Variants in AHNAK2 observed in about 807,000 individuals in gnomAD.
The protein encoded by AHNAK2 is AHNAK nucleoprotein 2, also known as protein AHNAK2.
In AHNAK2, 18 loss-of-function variants were observed where a neutral mutation model predicts 30.7. The observed-to-expected ratio is 0.59, with a 90% CI of 0.41 to 0.87. The LOEUF (loss-of-function observed/expected upper bound fraction) is 0.87. AHNAK2 is among the 40% of genes least tolerant of loss of function. AHNAK2 has a pLI of 0.00. For missense variants in AHNAK2, 8,604 were observed against 7,373.0 expected, an observed-to-expected ratio of 1.17 and a Z score of -6.11; for synonymous variants, 3,590 against 3,073.8, an observed-to-expected ratio of 1.17 and a Z score of -5.56.
Position 104,938,526 on chromosome 14 carries a change from G to T in AHNAK2, c.16925C>A (p.Ser5642Tyr). 1 of 1,613,550 alleles carries T rather than the reference G, an allele frequency of 6.2e-7. No individual in the cohort carries two copies. The highest frequency in any genetic ancestry group is 8.5e-7 in the Non-Finnish European group (1 of 1,179,766). The change falls in exon 7 of 7, where the codon TCT becomes TAT. Residue 5642 changes from serine to tyrosine, a missense_variant. Transcript: ENST00000333244. ...APKDKPESKK[S>Y]GLLWFWLPNI... ...TGGAAGCCAAAACCAGAGCAGACCA[G>T]ATTTTTTACTTTCTGGTTTGTCTTT... is the stretch of plus-strand genomic sequence containing the variant.
At position 104,941,636 on chromosome 14, in the gene AHNAK2, C is replaced by T. The variant is rs749512878; in HGVS notation, c.13815G>A (p.Leu4605=). ...GGTCCCCCTCAAGCCGCGCACCATC[C>T]AGCATGGATCCTGGGGCCTGGACAT... ...ETDVQAPGSM[L]DGARLEGDLS... is the part of the protein sequence containing the mutation. The change falls in exon 7 of 7, where the codon CTG becomes CTA. Residue 4605 remains leucine, a synonymous_variant. Coordinates refer to ENST00000333244, the MANE Select transcript of AHNAK2 (RefSeq NM_138420.4). The T allele has an allele frequency of 8.7e-6, 14 of 1,613,666 alleles. No homozygotes were observed. The highest frequency in any genetic ancestry group is 3.3e-4 in the Middle Eastern group (2 of 6,062).
rs745827678 is a variant in AHNAK2, at chr14:104,945,208, C to T, written c.10243G>A (p.Gly3415Ser). ...GGGACTTTTAGGTCCAGCTTGGGGC[C>T]CTTGATGTCCACCTGGGGGCTCTTG... ...DLKSPQVDIK[G>S]PKLDLKVPKA... The change falls in exon 7 of 7, where the codon GGC becomes AGC. Residue 3415 changes from glycine (G) to serine (S), a missense_variant. Transcript: ENST00000333244. The T allele has an allele frequency of 1.9e-6, 3 of 1,613,214 alleles. No individual in the cohort carries two copies. Among genetic ancestry groups the T allele is most frequent in the Non-Finnish European group, 2.5e-6 (3 of 1,179,676 alleles).
rs199552372 is a variant in AHNAK2, at chr14:104,953,282, G to T, written c.2169C>A (p.Leu723=). Reference sequence around the variant, plus strand: ...GGTCAGCGGAAGGGGTCTGGACGCTGAGGTCAGTGGTCTTGAGGTCCCCCT... The same window carrying T: ...GGTCAGCGGAAGGGGTCTGGACGCTTAGGTCAGTGGTCTTGAGGTCCCCCT... ...SMQGDLKTTD[L]SVQTPSADLE... Residue 723 remains leucine (L), a synonymous_variant, in exon 7 of 7, where the codon CTC becomes CTA. Transcript: ENST00000333244. The T allele has an allele frequency of 1.6e-4, 261 of 1,612,412 alleles. No individual in the cohort carries two copies. Among genetic ancestry groups the T allele is most frequent in the Non-Finnish European group, 2.1e-4 (253 of 1,179,638 alleles).
Position 104,941,228 on chromosome 14 carries a change from G to C in AHNAK2, c.14223C>G (p.Cys4741Trp). 12 of 1,613,624 alleles carry C rather than the reference G, an allele frequency of 7.4e-6. No individual in the cohort carries two copies. The highest frequency in any genetic ancestry group is 1.3e-5 in the African/African-American group (1 of 75,056). Residue 4741 changes from cysteine to tryptophan, a missense_variant, in exon 7 of 7, where the codon TGC becomes TGG. By Grantham distance (215) the Cys-to-Trp change is radical. Transcript: ENST00000333244. ...AAACCTGTTGTAATTCAAAACTTGA[G>C]CATTCTGAAGATGATAAAGGAATCG... ...LSTIPLSSSECSSFELQQVSA... is the reference protein window; with the variant it reads ...LSTIPLSSSEWSSFELQQVSA...
intron 1 of AHNAK2, among the ~76,000 whole-genome samples, chr14:104,972,749 GC>G (rs1899500997): frequency 6.6e-6 from 1 of 152,166 alleles, no homozygotes; most frequent in African/African-American, 2.4e-5. Flanking sequence ...CAGACTCTAA[GC>G]ACGTGCCACT....
Position 104,943,904 on chromosome 14 carries a change from A to G in AHNAK2, c.11547T>C (p.Thr3849=), listed in dbSNP as rs774941556. ...CAGAATGGGGCTGAATGCTGAGGTC[A>G]GTGGTCTTGAGGTCCCCCTGCATGG... ...LPSMQGDLKT[T]DLSIQPHSAD... The change falls in exon 7 of 7, where the codon ACT becomes ACC. Residue 3849 remains threonine (T), a synonymous_variant. Coordinates refer to ENST00000333244, the MANE Select transcript of AHNAK2 (RefSeq NM_138420.4). 1.2e-6 allele frequency: 2 copies of G among 1,612,994 alleles called. No homozygotes were observed. Among genetic ancestry groups the G allele is most frequent in the Non-Finnish European group, 1.7e-6 (2 of 1,179,526 alleles).
At position 104,953,737 on chromosome 14, in the gene AHNAK2, C is replaced by T. The variant is rs765768380; in HGVS notation, c.1714G>A (p.Gly572Ser). 22 of 1,613,822 alleles carry T rather than the reference C, an allele frequency of 1.4e-5. No homozygotes were observed. In the Middle Eastern group the frequency reaches 4.9e-4, roughly 36 times the overall value. Residue 572 changes from glycine to serine, a missense_variant, in exon 7 of 7, where the codon GGC becomes AGC. Physicochemically the swap from Gly to Ser is moderately conservative, Grantham distance 56. Coordinates refer to ENST00000333244, the MANE Select transcript of AHNAK2 (RefSeq NM_138420.4). ...RTRITEEQDK[G>S]REDTEGQIRM... The stretch of plus-strand genomic sequence containing the variant: ...ATCTGTCCTTCTGTGTCTTCCCTGC[C>T]CTTGTCCTGTTCCTCAGTGATCCTT...
intron 5 of AHNAK2, 103 bp from the exon 6 acceptor site, chr14:104,955,244 G>A: frequency 7.2e-7 from 1 of 1,385,102 alleles, no homozygotes; most frequent in Non-Finnish European, 9.8e-7. Context: ...TGAATAGGGG[G>A]AATCCCACTG....
chr14:104,938,917 G>C lies in AHNAK2; in HGVS notation c.16534C>G (p.Gln5512Glu). The stretch of plus-strand genomic sequence containing the variant: ...AAGGAAAATCCGTACGAAGGTGTTT[G>C]AATCTCTGACGTGGGGATCTCTGAT... The part of the protein sequence containing the change: ...RESEIPTSEI[Q>E]TPSYGFSLLK... The change falls in exon 7 of 7, where the codon CAA (glutamine) becomes GAA (glutamate). Residue 5512 changes from glutamine (Q) to glutamate (E), a missense_variant. Physicochemically the swap from Gln to Glu is conservative, Grantham distance 29. Coordinates refer to ENST00000333244, the MANE Select transcript of AHNAK2 (RefSeq NM_138420.4). 6.2e-7 allele frequency: 1 copy of C among 1,613,632 alleles called. No homozygotes were observed.
rs374160835 is a variant in AHNAK2 at position 104,970,007 on chromosome 14, G to A, written c.55+8176C>T. On this transcript the variant is annotated intron_variant, in intron 1 of 6. Transcript: ENST00000333244. ...GCCCCTGTGCACCAAGCAAGCACACGGTCATCTGAGGACCCTTCTCCAGGC... is the reference window on the plus strand; with the variant it reads ...GCCCCTGTGCACCAAGCAAGCACACAGTCATCTGAGGACCCTTCTCCAGGC... Among the ~76,000 whole-genome samples the A allele has an allele frequency of 2.4e-3, 358 of 152,160 alleles. 3 individuals carry two copies. The highest frequency in any genetic ancestry group is 8.3e-3 in the African/African-American group (346 of 41,518).
rs530049579 is a variant in AHNAK2, at chr14:104,947,579, C to G, written c.7872G>C (p.Lys2624Asn). The G allele has an allele frequency of 6.2e-7, 1 of 1,613,112 alleles. No homozygotes were observed. The highest frequency in any genetic ancestry group is 1.1e-5 in the South Asian group (1 of 91,042). ...MEVDVQAPRA[K>N]LDGARLEGDL... ...CCCCCTCCAGCCGCGCACCATCCAGCTTTGCTCTCGGGGCCTGGACGTCCA... is the reference window on the plus strand; with the variant it reads ...CCCCCTCCAGCCGCGCACCATCCAGGTTTGCTCTCGGGGCCTGGACGTCCA... The change falls in exon 7 of 7, where the codon AAG becomes AAC. Residue 2624 changes from lysine (K) to asparagine (N), a missense_variant. Coordinates refer to ENST00000333244, the MANE Select transcript of AHNAK2 (RefSeq NM_138420.4).
chr14:104,939,746 G>A lies in AHNAK2; in HGVS notation c.15705C>T (p.Phe5235=), dbSNP rs1248246831. Residue 5235 remains phenylalanine, a synonymous_variant, in exon 7 of 7, where the codon TTC becomes TTT. Coordinates refer to ENST00000333244, the MANE Select transcript of AHNAK2 (RefSeq NM_138420.4). ...CCTCCACGTTTGACCCAGAAACAAG[G>A]AACTCTTTGACTTTAGCTGCTGCTT... is the stretch of plus-strand genomic sequence containing the variant. The part of the protein sequence containing the change: ...GGEAAAKVKE[F]LVSGSNVEAA... 2.5e-6 allele frequency: 4 copies of A among 1,613,852 alleles called. No individual in the cohort carries two copies. The highest frequency in any genetic ancestry group is 1.1e-5 in the South Asian group (1 of 91,082).
rs764938055 is a variant in AHNAK2, at chr14:104,947,501, C to T, written c.7950G>A (p.Met2650Ile). 1.2e-6 allele frequency: 2 copies of T among 1,611,480 alleles called. No homozygotes were observed. Among genetic ancestry groups the T allele is most frequent in the African/African-American group, 2.7e-5 (2 of 74,082 alleles). The change falls in exon 7 of 7, where the codon ATG (methionine) becomes ATA (isoleucine). Residue 2650 changes from methionine (M) to isoleucine (I), a missense_variant. By Grantham distance (10) the Met-to-Ile change is conservative (BLOSUM62 1). Coordinates refer to ENST00000333244, the MANE Select transcript of AHNAK2 (RefSeq NM_138420.4). ...GVTAKDSKFK[M>I]PKFKMPSFRV... is the part of the protein sequence containing the mutation. ...TGAATGATGGCATCTTGAACTTGGG[C>T]ATTTTGAACTTGCTATCTTTGGCTG...
chr14:104,977,140 C>A (rs2140887109), intron 1 of AHNAK2, among the ~76,000 whole-genome samples: 1 of 152,348 alleles, frequency 6.6e-6, no homozygotes, highest in Non-Finnish European at 1.5e-5. Context: ...AGGCCAGGGG[C>A]ACCCCTCTCA....
chr14:104,941,844 A>T lies in AHNAK2; in HGVS notation c.13607T>A (p.Met4536Lys). The T allele has an allele frequency of 3.7e-6, 6 of 1,613,216 alleles. No individual in the cohort carries two copies. Among genetic ancestry groups the T allele is most frequent in the Non-Finnish European group, 5.1e-6 (6 of 1,179,570 alleles). ...CCCTTTGAGGCCGGCTACCTCGGGC[A>T]TGTGGCCTTCTGGAAGTTTCAAGTC... ...QVDLKLPEGH[M>K]PEVAGLKGHL... The change falls in exon 7 of 7, where the codon ATG becomes AAG. Residue 4536 changes from methionine (M) to lysine (K), a missense_variant. Transcript: ENST00000333244.
rs2140838764 is a variant in AHNAK2 at position 104,946,543 on chromosome 14, C to T, written c.8908G>A (p.Asp2970Asn). Residue 2970 changes from aspartate (D) to asparagine (N), a missense_variant, in exon 7 of 7, where the codon GAT (aspartate) becomes AAT (asparagine). By Grantham distance (23) the Asp-to-Asn change is conservative (BLOSUM62 1). Transcript: ENST00000333244. ...AACTTGCTGTCTTTGGCAGTCACAT[C>T]CTTGTCGGCCAGGGACAGGTCACCC... ...LEGDLSLADKDVTAKDSKFKM... is the reference protein window; with the variant it reads ...LEGDLSLADKNVTAKDSKFKM... The T allele has an allele frequency of 6.2e-7, 1 of 1,612,556 alleles. No homozygotes were observed.
rs1898745058 is a variant in AHNAK2, at chr14:104,951,945, T to C, written c.3506A>G (p.Lys1169Arg). The C allele has an allele frequency of 1.2e-6, 2 of 1,611,244 alleles. No individual in the cohort carries two copies. The highest frequency in any genetic ancestry group is 2.7e-5 in the African/African-American group (2 of 74,086). Residue 1169 changes from lysine (K) to arginine (R), a missense_variant, in exon 7 of 7, where the codon AAG becomes AGG. Physicochemically the swap from Lys to Arg is conservative, Grantham distance 26 (BLOSUM62 2). Transcript: ENST00000333244. ...KDSRFKMPKF[K>R]MPSFGASAPG... ...GGCTGACGCCCCGAACGATGGCATCTTGAACTTGGGCATTTTGAACCTGCT... is the reference window on the plus strand; with the variant it reads ...GGCTGACGCCCCGAACGATGGCATCCTGAACTTGGGCATTTTGAACCTGCT...
In AHNAK2 at chr14:104,944,679, T is replaced by A; in HGVS notation, c.10772A>T (p.Glu3591Val). Residue 3591 changes from glutamate to valine, a missense_variant, in exon 7 of 7, where the codon GAA becomes GTA. Transcript: ENST00000333244. ...PKLDLKGPKA[E>V]VRVPDVEVSL... Reference sequence around the variant, plus strand: ...CACCTCGACATCGGGGACTCTCACTTCTGCCTTGGGGCCTTTCAGGTCCAG... The same window carrying A: ...CACCTCGACATCGGGGACTCTCACTACTGCCTTGGGGCCTTTCAGGTCCAG... 1.9e-6 allele frequency: 3 copies of A among 1,613,000 alleles called. No homozygotes were observed. Among genetic ancestry groups the A allele is most frequent in the Non-Finnish European group, 2.5e-6 (3 of 1,179,598 alleles).
Position 104,944,136 on chromosome 14 carries a change from T to C in AHNAK2, c.11315A>G (p.Asp3772Gly), listed in dbSNP as rs1257273672. The C allele has an allele frequency of 6.2e-7, 1 of 1,613,228 alleles. No individual in the cohort carries two copies. The highest frequency in any genetic ancestry group is 8.5e-7 in the Non-Finnish European group (1 of 1,179,670). ...VEVSLPSVEVDVQAPRAKLDS... is the reference protein window; with the variant it reads ...VEVSLPSVEVGVQAPRAKLDS... ...CAGTTTGGCTCTTGGGGCCTGGACG[T>C]CCACCTCCACGCTGGGCAGAGACAC... Residue 3772 changes from aspartate to glycine, a missense_variant, in exon 7 of 7, where the codon GAC becomes GGC. Physicochemically the swap from Asp to Gly is moderately conservative, Grantham distance 94 (BLOSUM62 -1). Coordinates refer to ENST00000333244, the MANE Select transcript of AHNAK2 (RefSeq NM_138420.4).
Sources: allele counts gnomAD v4.1 joint callset (sites outside exome capture counted in the v4.1 genomes callset), GRCh38; gene constraint gnomAD v4.1.1; transcripts MANE v1.5; gene names NCBI Gene and HGNC (gene_info 2026-07-23, HGNC 2026-07-21).